The following KLHL36 variants were observed in gnomAD, a reference collection of about 807,000 sequenced individuals.
KLHL36 encodes the protein kelch-like protein 36.
A neutral mutation model predicts 53.3 loss-of-function variants in KLHL36; 35 were observed. The observed-to-expected ratio is 0.66, with a 90% CI of 0.50 to 0.87. KLHL36 has a LOEUF of 0.87. Among genes scored for constraint, KLHL36 ranks in the 40% least tolerant of loss-of-function variants. The pLI is 0.00. For synonymous variants in KLHL36, 472 were observed against 398.9 expected (o/e 1.18, Z -2.18); for missense variants, 864 against 897.6 (o/e 0.96, Z 0.48).
Position 84,650,890 on chromosome 16 carries a change from C to A in KLHL36, c.23C>A (p.Thr8Lys). Residue 8 changes from threonine to lysine, a missense_variant, in exon 2 of 5, where the codon ACG (threonine) becomes AAG (lysine). Physicochemically the swap from Thr to Lys is moderately conservative, Grantham distance 78. Coordinates refer to ENST00000564996, the MANE Select transcript of KLHL36 (RefSeq NM_024731.4). ...TTAATGATGGAGGGAAGCAGGCAGA[C>A]GCGAGTGTCTCGGCCATACAAGATC... MMEGSRQ[T>K]RVSRPYKISE... 1 of 1,611,648 alleles carries A rather than the reference C, an allele frequency of 6.2e-7. No individual in the cohort carries two copies. Among genetic ancestry groups the A allele is most frequent in the Non-Finnish European group, 8.5e-7 (1 of 1,179,436 alleles).
intron 2 of KLHL36, among the ~76,000 whole-genome samples, chr16:84,654,590 TTTGTTTTGTTTTGTTTTG>T (rs1198737923): frequency 1.8e-4 from 5 of 27,178 alleles, no homozygotes; most frequent in African/African-American, 6.4e-4. Flanking sequence ...TTTGTTTTGT[TTTGTTTTGTTTTGTTTTG>T]TTTTGTTTTG....
At chr16:84,654,314 T>G (rs1416103238) in intron 2 of KLHL36, among the ~76,000 whole-genome samples, 1 of 152,218 alleles carries the variant, frequency 6.6e-6, no homozygotes, top group Non-Finnish European at 1.5e-5. Context: ...AAGAGGGGCC[T>G]CCAGTCAATG....
At chr16:84,650,526 G>A (rs1906800710) in intron 1 of KLHL36, among the ~76,000 whole-genome samples, 2 of 152,080 alleles carry the variant, frequency 1.3e-5, no homozygotes, top group South Asian at 4.1e-4. Flanking sequence ...TTGGTTCGAG[G>A]GCTGTAGTCT....
intron 3 of KLHL36, chr16:84,659,559 T>G: frequency 1.8e-6 from 1 of 561,900 alleles, no homozygotes; most frequent in Non-Finnish European, 3.2e-6. Context: ...ATCCCACTTT[T>G]GGGGATTCAG....
intron 2 of KLHL36, among the ~76,000 whole-genome samples, chr16:84,652,615 A>G (rs1906963805): frequency 6.6e-6 from 1 of 152,158 alleles, no homozygotes; most frequent in South Asian, 2.1e-4. Flanking sequence ...TAATTTCTAG[A>G]CATTAAACAC....
At chr16:84,650,805 G>T in intron 1 of KLHL36, 47 bp from the exon 2 acceptor site, 2 of 1,362,562 alleles carry the variant, frequency 1.5e-6, no homozygotes, top group South Asian at 1.2e-5. Flanking sequence ...ATTAATGAAT[G>T]ACCTAGAGTT....
chr16:84,650,608 CA>C (rs1382942421), intron 1 of KLHL36, among the ~76,000 whole-genome samples: 22 of 151,968 alleles, frequency 1.4e-4, no homozygotes, highest in Non-Finnish European at 2.9e-5. Context: ...GGAAGTGAAC[CA>C]AATGACATGA....
intron 2 of KLHL36, among the ~76,000 whole-genome samples, chr16:84,653,633 G>C (rs568725252): frequency 1.3e-5 from 2 of 152,212 alleles, no homozygotes; most frequent in East Asian, 3.9e-4. Flanking sequence ...CTGAGGTCAG[G>C]AGTTTAAGAC....
intron 2 of KLHL36, 42 bp downstream of exon 2, chr16:84,650,972 A>G: frequency 2.1e-5 from 31 of 1,485,232 alleles, no homozygotes; most frequent in Non-Finnish European, 2.9e-5. Flanking sequence ...ATTGCCTAAG[A>G]AGTGTGATCC....
chr16:84,652,027 T>C (rs1406630003), intron 2 of KLHL36, among the ~76,000 whole-genome samples: 1 of 152,328 alleles, frequency 6.6e-6, no homozygotes, highest in South Asian at 2.1e-4. Context: ...TATGACCTCC[T>C]GTTCTCACGT....
chr16:84,654,774 C>G (rs1267129884), intron 2 of KLHL36, among the ~76,000 whole-genome samples: 1 of 152,156 alleles, frequency 6.6e-6, no homozygotes, highest in East Asian at 1.9e-4. Context: ...CCACAACCAG[C>G]TAATTTTGTA....
In KLHL36 at chr16:84,661,399, T is replaced by A. The variant is rs1328563546; in HGVS notation, c.1296-179T>A. On this transcript the variant is annotated intron_variant, in intron 4 of 4. Transcript: ENST00000564996. The surrounding 1 kb of genome is among the most constrained non-coding windows in gnomAD (Gnocchi z 7.9). ...TGCAAAGCTGTCCACTTCCCCGCCCTGCCCTGCCATTTCTTTGCTAATGAC... is the reference window on the plus strand; with the variant it reads ...TGCAAAGCTGTCCACTTCCCCGCCCAGCCCTGCCATTTCTTTGCTAATGAC... Among the ~76,000 whole-genome samples, 1 of 152,178 alleles carries A rather than the reference T, an allele frequency of 6.6e-6. No individual in the cohort carries two copies. The highest frequency in any genetic ancestry group is 1.5e-5 in the Non-Finnish European group (1 of 68,020).
At chr16:84,659,989 C>A in intron 4 of KLHL36, 72 bp downstream of exon 4, 1 of 1,411,022 alleles carries the variant, frequency 7.1e-7, no homozygotes, top group Non-Finnish European at 9.7e-7. Context: ...CCACGTGCCT[C>A]ACTTTCTGGG....
At position 84,657,054 on chromosome 16, in the gene KLHL36, TTC is replaced by T. The variant is rs1907248143; in HGVS notation, c.248_249del (p.Phe83SerfsTer34). ...GTTCACCATCGGCATGCGGGAAGCTTTCCAGAAGGAGGTGGAGCTGATCGGCG... is the reference window on the plus strand; with the variant it reads ...GTTCACCATCGGCATGCGGGAAGCTTCAGAAGGAGGTGGAGCTGATCGGCG... ...SMFTIGMREA[F>X]QKEVELIGAS... On this transcript the variant is annotated frameshift_variant, in exon 3 of 5. Transcript: ENST00000564996. LOFTEE classifies it high-confidence loss of function. The T allele has an allele frequency of 1.2e-6, 2 of 1,614,048 alleles. No homozygotes were observed. The highest frequency in any genetic ancestry group is 2.2e-5 in the South Asian group (2 of 91,084).
At chr16:84,653,630 C>T (rs1462118405) in intron 2 of KLHL36, among the ~76,000 whole-genome samples, 1 of 152,006 alleles carries the variant, frequency 6.6e-6, no homozygotes, top group Non-Finnish European at 1.5e-5. Context: ...CACCTGAGGT[C>T]AGGAGTTTAA....
In KLHL36 at chr16:84,648,844, G is replaced by C. The variant is rs1906625658; in HGVS notation, c.-17+195G>C. The C allele has an allele frequency of 6.6e-6, 1 of 151,068 alleles. No individual in the cohort carries two copies. The highest frequency in any genetic ancestry group is 2.4e-5 in the African/African-American group (1 of 41,278). The allele number at this position is 151,068 out of a possible 1,614,324, so 9.4% of individuals were successfully genotyped here. ...CGGGGGAGGGGCCGCCGCCCCCGCA[G>C]GTGACACAGGTGCGGCCTGTGCGGA... is the stretch of plus-strand genomic sequence containing the variant. On this transcript the variant is annotated intron_variant, in intron 1 of 4. Transcript: ENST00000564996. The surrounding 1 kb of genome is among the most constrained non-coding windows in gnomAD (Gnocchi z 4.9).
rs1056224324 is a variant in KLHL36, at chr16:84,663,359, G to A, written c.*1226G>A. 4.6e-5 allele frequency: 7 copies of A among 152,338 alleles called. No homozygotes were observed. Among genetic ancestry groups the A allele is most frequent in the Admixed American group, 4.6e-4 (7 of 15,284 alleles). The allele number at this position is 152,338 out of a possible 1,614,324, so 9.4% of individuals were successfully genotyped here. A position where few individuals can be genotyped will look rare whatever the true frequency, so the allele number is the denominator to read the frequency against. ...GATGGCATCCCCTTCAGGATGTGGA[G>A]CTGGCCTGCACTGACTCCTGCAAAC... On this transcript the variant is annotated 3_prime_UTR_variant, in exon 5 of 5. Coordinates refer to ENST00000564996, the MANE Select transcript of KLHL36 (RefSeq NM_024731.4).
rs1307425019 is a variant in KLHL36, at chr16:84,657,443, G to C, written c.636G>C (p.Gln212His). The C allele has an allele frequency of 1.9e-6, 3 of 1,606,108 alleles. No homozygotes were observed. Among genetic ancestry groups the C allele is most frequent in the Non-Finnish European group, 8.5e-7 (1 of 1,179,976 alleles). Residue 212 changes from glutamine to histidine, a missense_variant, in exon 3 of 5, where the codon CAG (glutamine) becomes CAC (histidine). Transcript: ENST00000564996. ...GGGAGTGTGAGCACGACCTCCTGCA[G>C]GCCGCCCTGCAGTGGCTGACGCAGC... ...VQRECEHDLL[Q>H]AALQWLTQQP...
rs755409802 is a variant in KLHL36 at position 84,656,984 on chromosome 16, C to T, written c.177C>T (p.Ala59=). 2 of 1,614,042 alleles carry T rather than the reference C, an allele frequency of 1.2e-6. No individual in the cohort carries two copies. Among genetic ancestry groups the T allele is most frequent in the East Asian group, 4.5e-5 (2 of 44,888 alleles). Residue 59 remains alanine, a synonymous_variant, in exon 3 of 5, where the codon GCC becomes GCT. Coordinates refer to ENST00000564996, the MANE Select transcript of KLHL36 (RefSeq NM_024731.4). ...TGGCCGATGAGCAGCGTGTGCCAGC[C>T]CATCGCAACCTGCTGGCCGTGTGCA... The part of the protein sequence containing the change: ...VLVADEQRVP[A]HRNLLAVCSD...
Sources: gnomAD v4.1 joint callset for allele counts (sites outside exome capture counted in the v4.1 genomes callset) on GRCh38, gnomAD v4.1.1 for gene constraint, Gnocchi (gnomAD v3.1) non-coding constraint, MANE v1.5 for transcripts, NCBI Gene and HGNC (gene_info 2026-07-23, HGNC 2026-07-21) for gene names.